The following HTN1 variants were observed in gnomAD, a reference collection of about 807,000 sequenced individuals.
The protein encoded by HTN1 is histatin-1.
A neutral mutation model predicts 11.2 loss-of-function variants in HTN1; 18 were observed. The ratio of observed to expected loss-of-function variants is 1.61; its 90% confidence interval spans 1.12 to 2.39. HTN1 has a LOEUF of 2.39. Ranked by LOEUF, HTN1 falls within the 30% of genes most tolerant of loss-of-function variation. HTN1 has a pLI of 0.00. For missense variants in HTN1, 80 were observed against 67.2 expected (o/e 1.19, Z -0.67); for synonymous variants, 21 against 20.5 (o/e 1.02, Z -0.07).
rs1726105943 is a variant in HTN1, at chr4:70,058,713, T to G, written c.*167T>G. On this transcript the variant is annotated 3_prime_UTR_variant, in exon 6 of 6. Transcript: ENST00000246896. ...AGACCATGATTTAGTGAATTCTGTG[T>G]TTCATGATACTTCCCTTCCTAATTA... 1 of 152,170 alleles carries G rather than the reference T, an allele frequency of 6.6e-6. No homozygotes were observed. Among genetic ancestry groups the G allele is most frequent in the African/African-American group, 2.4e-5 (1 of 41,450 alleles). The allele number at this position is 152,170 out of a possible 1,614,324, so 9.4% of individuals were successfully genotyped here.
chr4:70,055,589 G>C lies in HTN1; in HGVS notation c.*20G>C. On this transcript the variant is annotated 3_prime_UTR_variant, in exon 5 of 6. Transcript: ENST00000246896. The stretch of plus-strand genomic sequence containing the variant: ...AATTGATATCCTTAGTAATCATGGG[G>C]CATGATTATAGAGGTAAGCTGACTC... 7.0e-7 allele frequency: 1 copy of C among 1,419,510 alleles called. No individual in the cohort carries two copies. Among genetic ancestry groups the C allele is most frequent in the Non-Finnish European group, 1.0e-6 (1 of 1,004,658 alleles). The allele number at this position is 1,419,510 out of a possible 1,614,324, so 87.9% of individuals were successfully genotyped here.
chr4:70,055,586 G>T lies in HTN1; in HGVS notation c.*17G>T, dbSNP rs1726019686. 6.8e-7 allele frequency: 1 copy of T among 1,460,940 alleles called. No homozygotes were observed. The highest frequency in any genetic ancestry group is 1.4e-5 in the African/African-American group (1 of 71,484). 90.5% of individuals were successfully genotyped at this position (1,460,940 alleles called of 1,614,324 possible). On this transcript the variant is annotated 3_prime_UTR_variant, in exon 5 of 6. Coordinates refer to ENST00000246896, the MANE Select transcript of HTN1 (RefSeq NM_002159.4). ...GACAATTGATATCCTTAGTAATCAT[G>T]GGGCATGATTATAGAGGTAAGCTGA...
chr4:70,052,690 C>G (rs1290208409), intron 1 of HTN1, among the ~76,000 whole-genome samples: 1 of 152,084 alleles, frequency 6.6e-6, no homozygotes, highest in African/African-American at 2.4e-5. Context: ...GGGGCTCACA[C>G]CTGTAATCCA....
At chr4:70,055,367 C>T in intron 4 of HTN1, 131 bp from the exon 5 acceptor site, 1 of 678,922 alleles carries the variant, frequency 1.5e-6, no homozygotes, top group South Asian at 1.7e-5. Flanking sequence ...AGTTTGAAAA[C>T]ATTTATGTAG....
chr4:70,051,668 TA>T (rs1301237637), intron 1 of HTN1, among the ~76,000 whole-genome samples: 5 of 152,136 alleles, frequency 3.3e-5, no homozygotes, highest in Non-Finnish European at 7.4e-5. Context: ...TTTTTATAGT[TA>T]GTCCTATAGT....
intron 5 of HTN1, 170 bp downstream of exon 5, chr4:70,055,772 T>C (rs1726023849): frequency 2.0e-6 from 1 of 495,890 alleles, no homozygotes; most frequent in African/African-American, 2.0e-5. Flanking sequence ...TGGTGTTATT[T>C]CTGAGGTCTC....
At chr4:70,053,909 A>G (rs2109728111) in intron 2 of HTN1, among the ~76,000 whole-genome samples, 1 of 152,328 alleles carries the variant, frequency 6.6e-6, no homozygotes. Flanking sequence ...AAGTAGAAAA[A>G]TAAACAAATA....
chr4:70,051,554 T>C (rs1447375116), intron 1 of HTN1, among the ~76,000 whole-genome samples: 2 of 152,138 alleles, frequency 1.3e-5, no homozygotes, highest in Admixed American at 1.3e-4. Flanking sequence ...TGCAACAGAA[T>C]TGACAATCAT....
intron 4 of HTN1, 25 bp downstream of exon 4, chr4:70,054,475 A>T: frequency 7.1e-7 from 1 of 1,417,748 alleles, no homozygotes; most frequent in Non-Finnish European, 9.8e-7. Flanking sequence ...GATAATGTGC[A>T]CTCTAAATAA....
rs144279437 is a variant in HTN1 at position 70,051,470 on chromosome 4, A to G, written c.-14+975A>G. Among the ~76,000 whole-genome samples, 1,426 of 152,176 alleles carry G rather than the reference A, an allele frequency of 9.4e-3. 29 individuals carry two copies. The highest frequency in any genetic ancestry group is 0.033 in the African/African-American group (1,365 of 41,572). ...ACCATTAATTGTATATTGATTATCT[A>G]TGTTCGTTTATCTATCAGTTTATGT... On this transcript the variant is annotated intron_variant, in intron 1 of 5. Transcript: ENST00000246896.
chr4:70,050,725 C>T lies in HTN1; in HGVS notation c.-14+230C>T, dbSNP rs1313206869. 4.6e-5 allele frequency among the ~76,000 whole-genome samples: 7 copies of T among 152,004 alleles called. No homozygotes were observed. The East Asian group carries it at 1.3e-3, about 29-fold the overall frequency. ...TAGATGATTTATCTAATAAATATTT[C>T]CTTTAAAAACTCACACACAAATTCA... is the stretch of plus-strand genomic sequence containing the variant. On this transcript the variant is annotated intron_variant, in intron 1 of 5. Transcript: ENST00000246896.
chr4:70,053,107 G>A lies in HTN1; in HGVS notation c.31G>A (p.Ala11Thr), dbSNP rs1186578606. 1 of 1,608,924 alleles carries A rather than the reference G, an allele frequency of 6.2e-7. No individual in the cohort carries two copies. Among genetic ancestry groups the A allele is most frequent in the African/African-American group, 1.3e-5 (1 of 74,730 alleles). Residue 11 changes from alanine (A) to threonine (T), a missense_variant, in exon 2 of 6, where the codon GCT becomes ACT. Coordinates refer to ENST00000246896, the MANE Select transcript of HTN1 (RefSeq NM_002159.4). ...GTTTTTTGTCTTTGCTTTAGTCTTG[G>A]CTCTCATGATTTCCATGATTGTAAG... MKFFVFALVL[A>T]LMISMISADS...
intron 1 of HTN1, among the ~76,000 whole-genome samples, chr4:70,050,776 T>C (rs895309315): frequency 5.3e-5 from 8 of 152,232 alleles, no homozygotes; most frequent in East Asian, 3.9e-4. Flanking sequence ...TTTTACTTTC[T>C]TATTTTACTT....
At chr4:70,054,790 T>G (rs1725991252) in intron 4 of HTN1, among the ~76,000 whole-genome samples, 2 of 152,062 alleles carry the variant, frequency 1.3e-5, no homozygotes, top group African/African-American at 2.4e-5. Flanking sequence ...TAGAGGCTAC[T>G]CATGTAATGT....
intron 1 of HTN1, 133 bp from the exon 2 acceptor site, chr4:70,052,931 C>T: frequency 1.5e-6 from 1 of 652,822 alleles, no homozygotes; most frequent in African/African-American, 1.8e-5. Context: ...GATCTGTGCT[C>T]ATGCCCCTGC....
intron 4 of HTN1, among the ~76,000 whole-genome samples, chr4:70,054,854 T>G (rs1264012731): frequency 1.3e-5 from 2 of 152,058 alleles, no homozygotes; most frequent in Non-Finnish European, 2.9e-5. Flanking sequence ...TAAATTAAAC[T>G]GACTGTGCTA....
intron 2 of HTN1, among the ~76,000 whole-genome samples, chr4:70,054,008 A>G (rs1725965142): frequency 6.6e-6 from 1 of 152,170 alleles, no homozygotes; most frequent in South Asian, 2.1e-4. Context: ...ACATATTCAT[A>G]TAAAAAACAA....
rs753656464 is a variant in HTN1 at position 70,055,558 on chromosome 4, T to C, written c.163T>C (p.Tyr55His). ...FYGDYGSNYL[Y>H]DN ...TGGGGACTATGGATCAAATTATCTATATGACAATTGATATCCTTAGTAATC... is the reference window on the plus strand; with the variant it reads ...TGGGGACTATGGATCAAATTATCTACATGACAATTGATATCCTTAGTAATC... Residue 55 changes from tyrosine to histidine, a missense_variant, in exon 5 of 6, where the codon TAT becomes CAT. Transcript: ENST00000246896. 8 of 1,566,894 alleles carry C rather than the reference T, an allele frequency of 5.1e-6. No individual in the cohort carries two copies. Among genetic ancestry groups the C allele is most frequent in the Admixed American group, 3.3e-5 (2 of 59,724 alleles).
chr4:70,053,297 G>A (rs1339873970), intron 2 of HTN1, among the ~76,000 whole-genome samples, 170 bp downstream of exon 2: 1 of 151,988 alleles, frequency 6.6e-6, no homozygotes, highest in African/African-American at 2.4e-5. Context: ...GTTCTTTAAG[G>A]ACTTGGAATA....
Sources: gnomAD v4.1 joint callset for allele counts (sites outside exome capture counted in the v4.1 genomes callset) on GRCh38, gnomAD v4.1.1 for gene constraint, MANE v1.5 for transcripts, NCBI Gene and HGNC (gene_info 2026-07-23, HGNC 2026-07-21) for gene names.